Variants in DMD observed in about 807,000 individuals in gnomAD.
The protein encoded by DMD is dystrophin, also known as mutant dystrophin.
DMD carries 63 observed loss-of-function variants against 330.1 expected under a neutral mutation model. The observed-to-expected ratio is 0.19, with a 90% CI of 0.16 to 0.24. DMD has a LOEUF of 0.24. Among genes scored for constraint, DMD ranks in the 10% least tolerant of loss-of-function variants. The probability of loss-of-function intolerance (pLI) is 1.00; values close to 1 mark genes in which losing one functional copy is unlikely to be tolerated. For missense variants in DMD, 3,344 were observed against 2,684.1 expected (o/e 1.25, Z -5.43); for synonymous variants, 1,223 against 959.8 (o/e 1.27, Z -5.07).
intron 1 of DMD, among the ~76,000 whole-genome samples, chrX:33,097,053 T>C (rs748713300): frequency 9.0e-6 from 1 of 111,684 alleles, no homozygotes; most frequent in African/African-American, 3.3e-5. Flanking sequence ...TAGTTCTATG[T>C]GCTATAAGGA....
chrX:32,976,816 TTTGA>T (rs2092565198), intron 2 of DMD, among the ~76,000 whole-genome samples: 1 of 111,510 alleles, frequency 9.0e-6, no homozygotes, highest in African/African-American at 3.3e-5. Context: ...ATTATTGTCC[TTTGA>T]TTTATTTTTT....
chrX:32,089,086 G>A lies in DMD; in HGVS notation c.6439-120572C>T, dbSNP rs192385385. On this transcript the variant is annotated intron_variant, in intron 44 of 78. Transcript: ENST00000357033. Reference sequence around the variant, plus strand: ...TTGGAATTGATGTGTAGTAAAATCCGCTCCTTTTGAAGTAAAGTTCTGTGA... The same window carrying A: ...TTGGAATTGATGTGTAGTAAAATCCACTCCTTTTGAAGTAAAGTTCTGTGA... 7.2e-5 allele frequency among the ~76,000 whole-genome samples: 8 copies of A among 111,207 alleles called. No individual in the cohort carries two copies. The East Asian group carries it at 1.7e-3, about 24-fold the overall frequency.
At chrX:32,474,200 TACATACATACACACACACACAC>T (rs2040968159) in intron 21 of DMD, among the ~76,000 whole-genome samples, 1 of 104,921 alleles carries the variant, frequency 9.5e-6, no homozygotes, top group African/African-American at 3.7e-5. Flanking sequence ...CATATATACA[TACATACATACACACACACACAC>T]ACACACACAC....
chrX:31,357,389 A>G (rs1298964635), intron 60 of DMD, among the ~76,000 whole-genome samples: 6 of 111,190 alleles, frequency 5.4e-5, no homozygotes, highest in African/African-American at 2.0e-4. Context: ...AAAAAAAAAA[A>G]AAAGACGGCA....
intron 30 of DMD, among the ~76,000 whole-genome samples, chrX:32,398,533 GAAGTA>G (rs772890352): frequency 1.6e-4 from 18 of 110,763 alleles, no homozygotes; most frequent in Admixed American, 3.9e-4. Flanking sequence ...CTCCAGCAGA[GAAGTA>G]AAGCATATAA....
Position 32,386,410 on chromosome X carries a change from G to A in DMD, c.4574C>T (p.Thr1525Ile). Residue 1525 changes from threonine to isoleucine, a missense_variant, in exon 33 of 79, where the codon ACT (threonine) becomes ATT (isoleucine). Transcript: ENST00000357033. The stretch of plus-strand genomic sequence containing the variant: ...CTTTTTCTGTACAATCTGACGTCCA[G>A]TCTTTATCACCATTTCCACTTCAGA... Reference protein sequence around the residue: ...VKSEVEMVIKTGRQIVQKKQT... With the variant: ...VKSEVEMVIKIGRQIVQKKQT... 1 of 1,207,842 alleles carries A rather than the reference G, an allele frequency of 8.3e-7. No homozygotes were observed. Among genetic ancestry groups the A allele is most frequent in the South Asian group, 1.8e-5 (1 of 56,908 alleles).
At chrX:32,654,939 G>C (rs1275429868) in intron 9 of DMD, among the ~76,000 whole-genome samples, 1 of 111,854 alleles carries the variant, frequency 8.9e-6, no homozygotes, top group African/African-American at 3.3e-5. Context: ...TTTGCGTAGA[G>C]GTGTTTACAG....
chrX:31,733,054 T>C (rs1293137186), intron 51 of DMD, among the ~76,000 whole-genome samples: 1 of 111,152 alleles, frequency 9.0e-6, no homozygotes. Context: ...ATAAGTCAGC[T>C]ACTGGGCTTT....
At chrX:31,556,884 T>A (rs1460799924) in intron 55 of DMD, among the ~76,000 whole-genome samples, 3 of 111,773 alleles carry the variant, frequency 2.7e-5, no homozygotes, top group Non-Finnish European at 1.9e-5. Flanking sequence ...AATGCCACTA[T>A]AAAATTAAAT....
intron 74 of DMD, among the ~76,000 whole-genome samples, chrX:31,158,382 C>T (rs2038407423): frequency 8.9e-6 from 1 of 111,954 alleles, no homozygotes; most frequent in Non-Finnish European, 1.9e-5. Context: ...TTTACATTAA[C>T]AGTCCAGAAT....
chrX:32,953,232 G>A lies in DMD; in HGVS notation c.93+66907C>T, dbSNP rs183334000. 1.9e-4 allele frequency among the ~76,000 whole-genome samples: 21 copies of A among 110,380 alleles called. 1 individual carries two copies. In the South Asian group the frequency reaches 3.5e-3, roughly 18 times the overall value. ...TTTTATATGTAAAAGATGAAATGGC[G>A]TTTTCTACTCTTAATAAAGGCAAAG... On this transcript the variant is annotated intron_variant, in intron 2 of 78. Transcript: ENST00000357033.
intron 67 of DMD, among the ~76,000 whole-genome samples, chrX:31,199,625 C>A (rs1427616912): frequency 8.9e-6 from 1 of 111,961 alleles, no homozygotes; most frequent in Non-Finnish European, 1.9e-5. Flanking sequence ...CACACAAACA[C>A]GTACCTCTCT....
chrX:32,600,228 C>G (rs964469857), intron 12 of DMD, among the ~76,000 whole-genome samples: 4 of 111,809 alleles, frequency 3.6e-5, no homozygotes, highest in Non-Finnish European at 7.5e-5. Flanking sequence ...TATTCTAGAT[C>G]TATGCTATTT....
At chrX:31,269,610 A>G (rs749664324) in intron 62 of DMD, among the ~76,000 whole-genome samples, 1 of 112,032 alleles carries the variant, frequency 8.9e-6, no homozygotes, top group African/African-American at 3.2e-5. Context: ...TGTTTTTTCT[A>G]GTATACTCAT....
chrX:32,636,854 C>T (rs1019560485), intron 11 of DMD, among the ~76,000 whole-genome samples: 4 of 109,325 alleles, frequency 3.7e-5, no homozygotes, highest in Non-Finnish European at 5.7e-5. Flanking sequence ...AAAAGTTAGC[C>T]GAGCGTGGTG....
intron 44 of DMD, among the ~76,000 whole-genome samples, chrX:32,188,851 A>C (rs1665066161): frequency 9.0e-6 from 1 of 110,955 alleles, no homozygotes; most frequent in Non-Finnish European, 1.9e-5. Flanking sequence ...TAACTGTATT[A>C]AATTCAAATG....
intron 1 of DMD, among the ~76,000 whole-genome samples, chrX:33,250,085 T>TTTTATATATATATATATA (rs1484050730): frequency 4.0e-5 from 3 of 75,434 alleles, no homozygotes; most frequent in African/African-American, 2.2e-4. Context: ...AAACTATTCA[T>TTTTATATATATATATATA]TATATATATA....
intron 37 of DMD, among the ~76,000 whole-genome samples, chrX:32,353,362 G>C (rs1419980030): frequency 9.0e-6 from 1 of 111,711 alleles, no homozygotes; most frequent in Admixed American, 9.5e-5. Flanking sequence ...TAATAAGAAA[G>C]CGTTTATAAT....
At chrX:31,779,188 C>T (rs909389219) in intron 50 of DMD, among the ~76,000 whole-genome samples, 5 of 111,583 alleles carry the variant, frequency 4.5e-5, no homozygotes, top group African/African-American at 1.3e-4. Flanking sequence ...TAATCTAGAA[C>T]GAACGGGTAA....
Sources: allele counts gnomAD v4.1 joint callset (sites outside exome capture counted in the v4.1 genomes callset), GRCh38; gene constraint gnomAD v4.1.1; transcripts MANE v1.5; gene names NCBI Gene and HGNC (gene_info 2026-07-23, HGNC 2026-07-21).